The following SERAC1 variants were observed in gnomAD, a reference collection of about 807,000 sequenced individuals.
The protein encoded by SERAC1 is serine active site containing 1, also known as protein SERAC1.
A neutral mutation model predicts 85.7 loss-of-function variants in SERAC1; 36 were observed. That is an observed-to-expected ratio of 0.42 (90% CI 0.32 to 0.55). SERAC1 has a LOEUF of 0.55. Among genes scored for constraint, SERAC1 ranks in the 20% least tolerant of loss-of-function variants. The pLI is 0.11. For missense variants in SERAC1, 629 were observed against 796.2 expected, an observed-to-expected ratio of 0.79 and a Z score of 2.53; for synonymous variants, 242 against 265.3, an observed-to-expected ratio of 0.91 and a Z score of 0.85.
chr6:158,155,457 AGTT>A, intron 2 of SERAC1, 106 bp from the exon 3 acceptor site: 1 of 639,974 alleles, frequency 1.6e-6, no homozygotes, highest in Non-Finnish European at 2.7e-6. Flanking sequence ...TCAGATAAGA[AGTT>A]ATTATTTTTC....
intron 15 of SERAC1, chr6:158,114,405 T>C: frequency 1.2e-6 from 1 of 806,762 alleles, no homozygotes; most frequent in Non-Finnish European, 1.5e-6. Flanking sequence ...CAAACCAGAG[T>C]ACTTTAAAAT....
chr6:158,152,712 C>T (rs1374397405), intron 3 of SERAC1: 11 of 151,992 alleles, frequency 7.2e-5, no homozygotes, highest in Non-Finnish European at 1.2e-4. Flanking sequence ...TGTTTGGATA[C>T]GTTTAGGTAC....
chr6:158,111,513 T>TA lies in SERAC1; in HGVS notation c.1829-12dup. The TA allele has an allele frequency of 1.3e-6, 2 of 1,568,382 alleles. No individual in the cohort carries two copies. Among genetic ancestry groups the TA allele is most frequent in the Non-Finnish European group, 8.6e-7 (1 of 1,162,160 alleles). On this transcript the variant is annotated splice_polypyrimidine_tract_variant and intron_variant, in intron 16 of 16. Transcript: ENST00000647468. ...CTCCAATGCCTAAATCTGAAGAAAA[T>TA]AAAAAAGTCAATAAACCTAAGTAAA...
In SERAC1 at chr6:158,117,498, A is replaced by C; in HGVS notation, c.1403+229T>G. On this transcript the variant is annotated intron_variant, in intron 13 of 16. Transcript: ENST00000647468. This position sits in a 1 kb window ranked among gnomAD's most constrained non-coding sequence, Gnocchi z 4.3. ...CTTCACTATTAGAACAGTTGTAAAT[A>C]AACCATGTTAGGAGCCCACCATTGG... 6.5e-7 allele frequency: 1 copy of C among 1,549,280 alleles called. No individual in the cohort carries two copies. The highest frequency in any genetic ancestry group is 8.7e-7 in the Non-Finnish European group (1 of 1,146,058).
intron 1 of SERAC1, chr6:158,161,435 T>C (rs1201439865): frequency 1.3e-5 from 2 of 152,036 alleles, no homozygotes; most frequent in African/African-American, 2.4e-5. Flanking sequence ...GGTTTAGAAT[T>C]TAGAATAACA....
intron 15 of SERAC1, 101 bp downstream of exon 15, chr6:158,114,688 T>TTATAAAATGCGATAATACATTCAAGGAA: frequency 7.0e-7 from 1 of 1,434,954 alleles, no homozygotes; most frequent in Non-Finnish European, 9.5e-7. Context: ...TATATACAAA[T>TTATAAAATGCGATAATACATTCAAGGAA]TATAAAATGA....
intron 15 of SERAC1, among the ~76,000 whole-genome samples, chr6:158,114,022 C>A (rs1784213147): frequency 6.6e-6 from 1 of 151,782 alleles, no homozygotes; most frequent in African/African-American, 2.4e-5. Context: ...AGGCCTATGA[C>A]CTAAAAGAGA....
intron 3 of SERAC1, among the ~76,000 whole-genome samples, chr6:158,153,773 A>T (rs910586497): frequency 6.6e-6 from 1 of 152,134 alleles, no homozygotes; most frequent in African/African-American, 2.4e-5. Context: ...CCCTCAGGCA[A>T]GCAGGTAAAA....
At chr6:158,140,462 AAGGCTC>A (rs368535055) in intron 8 of SERAC1, among the ~76,000 whole-genome samples, 45 of 152,348 alleles carry the variant, frequency 3.0e-4, no homozygotes, top group African/African-American at 1.0e-3. Context: ...GAGGGGCATG[AAGGCTC>A]AGCGCCCCTT....
chr6:158,164,437 G>A (rs1276309640), intron 1 of SERAC1, among the ~76,000 whole-genome samples: 2 of 152,028 alleles, frequency 1.3e-5, no homozygotes, highest in Admixed American at 6.6e-5. Context: ...ATTGCGCCAC[G>A]GCAGTCCAGC....
At chr6:158,142,811 G>A (rs1413098915) in intron 8 of SERAC1, among the ~76,000 whole-genome samples, 1 of 152,114 alleles carries the variant, frequency 6.6e-6, no homozygotes, top group Non-Finnish European at 1.5e-5. Context: ...GTTACCTCCT[G>A]TGAAGCTGTA....
intron 1 of SERAC1, among the ~76,000 whole-genome samples, chr6:158,165,939 A>T (rs751797212): frequency 1.3e-5 from 2 of 151,788 alleles, no homozygotes; most frequent in Admixed American, 6.6e-5. Flanking sequence ...AGAGACATTT[A>T]AAAAAAAAGT....
At chr6:158,153,217 C>T (rs1353762034) in intron 3 of SERAC1, among the ~76,000 whole-genome samples, 1 of 152,204 alleles carries the variant, frequency 6.6e-6, no homozygotes, top group African/African-American at 2.4e-5. Flanking sequence ...TGGAATCACA[C>T]TACATGTATT....
intron 1 of SERAC1, among the ~76,000 whole-genome samples, chr6:158,162,831 C>G (rs896032844): frequency 2.6e-5 from 4 of 152,120 alleles, no homozygotes; most frequent in African/African-American, 9.7e-5. Flanking sequence ...GTCTTAAATG[C>G]AGATTTTTTT....
intron 2 of SERAC1, 82 bp downstream of exon 2, chr6:158,158,191 G>C: frequency 3.9e-6 from 4 of 1,027,832 alleles, no homozygotes; most frequent in Non-Finnish European, 5.8e-6. Flanking sequence ...GGTTCAAAAA[G>C]TTTTTGTGGC....
At chr6:158,125,834 G>A (rs919095135) in intron 10 of SERAC1, among the ~76,000 whole-genome samples, 3 of 152,076 alleles carry the variant, frequency 2.0e-5, no homozygotes, top group East Asian at 1.9e-4. Flanking sequence ...CATATGAAAT[G>A]GCATAATCTT....
Position 158,117,396 on chromosome 6 carries a change from A to T in SERAC1, c.1403+331T>A. On this transcript the variant is annotated intron_variant, in intron 13 of 16. Coordinates refer to ENST00000647468, the MANE Select transcript of SERAC1 (RefSeq NM_032861.4). The surrounding 1 kb of genome is among the most constrained non-coding windows in gnomAD (Gnocchi z 4.3). ...TTTCTCTTTGCTTCCTTTAGCCAGT[A>T]TGATTGTGGACACAAGAACAAAAAA... 1.1e-6 allele frequency: 1 copy of T among 887,624 alleles called. No individual in the cohort carries two copies. The highest frequency in any genetic ancestry group is 1.7e-6 in the Non-Finnish European group (1 of 590,238). The allele number at this position is 887,624 out of a possible 1,614,324, so 55.0% of individuals were successfully genotyped here. A position where few individuals can be genotyped will look rare whatever the true frequency, so the allele number is the denominator to read the frequency against.
intron 7 of SERAC1, 136 bp from the exon 8 acceptor site, chr6:158,143,320 T>TCC (rs1784964604): frequency 4.0e-6 from 1 of 250,896 alleles, no homozygotes; most frequent in Non-Finnish European, 6.7e-6. Context: ...TCTCTCTCTC[T>TCC]CTCTCTCTCT....
At chr6:158,130,281 A>C in intron 9 of SERAC1, 92 bp downstream of exon 9, 1 of 591,896 alleles carries the variant, frequency 1.7e-6, no homozygotes, top group Non-Finnish European at 2.8e-6. Context: ...CTCCTTTTAC[A>C]GTAAATGATT....
Sources: gnomAD v4.1 joint callset for allele counts (sites outside exome capture counted in the v4.1 genomes callset) on GRCh38, gnomAD v4.1.1 for gene constraint, Gnocchi (gnomAD v3.1) non-coding constraint, MANE v1.5 for transcripts, NCBI Gene and HGNC (gene_info 2026-07-23, HGNC 2026-07-21) for gene names.